Variants in ABCA5 observed in about 807,000 individuals in gnomAD.
ABCA5 encodes the protein cholesterol transporter ABCA5.
A neutral mutation model predicts 206.0 loss-of-function variants in ABCA5; 163 were observed. The observed-to-expected ratio is 0.79, with a 90% CI of 0.70 to 0.90. The LOEUF (loss-of-function observed/expected upper bound fraction) is 0.90. Ranked by LOEUF, ABCA5 falls within the 40% of genes least tolerant of loss-of-function variation. The pLI, the probability that ABCA5 is intolerant of heterozygous loss-of-function variation, is 0.00. For synonymous variants in ABCA5, 609 were observed against 613.8 expected, an observed-to-expected ratio of 0.99 and a Z score of 0.11; for missense variants, 1,859 against 1,912.9, an observed-to-expected ratio of 0.97 and a Z score of 0.53.
In ABCA5 at chr17:69,300,613, A is replaced by G. The variant is rs534013918; in HGVS notation, c.1267+526T>C. On this transcript the variant is annotated intron_variant, in intron 9 of 38. Coordinates refer to ENST00000392676, the MANE Select transcript of ABCA5 (RefSeq NM_172232.4). The stretch of plus-strand genomic sequence containing the variant: ...ATAAATTGTTAATTGATTTAATTGT[A>G]ATCAATTTAAATTTTAAAAGCCACA... Among the ~76,000 whole-genome samples the G allele has an allele frequency of 2.0e-5, 3 of 152,358 alleles. No homozygotes were observed. In the East Asian group the frequency reaches 5.8e-4, roughly 29 times the overall value.
intron 18 of ABCA5, among the ~76,000 whole-genome samples, chr17:69,282,640 G>C (rs1345822949): frequency 2.4e-5 from 3 of 122,502 alleles, no homozygotes; most frequent in African/African-American, 8.8e-5. Flanking sequence ...GTGGTGGTGG[G>C]CGCCTGTAAT....
At position 69,253,607 on chromosome 17, in the gene ABCA5, T is replaced by C. The variant is rs746512679; in HGVS notation, c.4381A>G (p.Thr1461Ala). 5.0e-6 allele frequency: 8 copies of C among 1,613,748 alleles called. No homozygotes were observed. The highest frequency in any genetic ancestry group is 2.2e-5 in the South Asian group (2 of 91,086). ...TGTTTGGCTTTGGGATCCATACCTG[T>C]AGATGGTTCATCTAGCAAAGTAATC... ...PQITLLDEPS[T>A]GMDPKAKQHM... The change falls in exon 34 of 39, where the codon ACA becomes GCA. Residue 1461 changes from threonine (T) to alanine (A), a missense_variant. Thr to Ala is a moderately conservative substitution (Grantham distance 58). Transcript: ENST00000392676.
At chr17:69,314,505 A>C in intron 1 of ABCA5, 75 bp from the exon 2 acceptor site, 2 of 872,712 alleles carry the variant, frequency 2.3e-6, no homozygotes, top group South Asian at 3.0e-5. Context: ...ACGGCAAAAT[A>C]AGCAGCTGTT....
chr17:69,259,736 C>T lies in ABCA5; in HGVS notation c.3701G>A (p.Gly1234Asp), dbSNP rs1252256685. The change falls in exon 28 of 39, where the codon GGC (glycine) becomes GAC (aspartate). Residue 1234 changes from glycine (G) to aspartate (D), a missense_variant. Coordinates refer to ENST00000392676, the MANE Select transcript of ABCA5 (RefSeq NM_172232.4). ...AAAGGGATCTTTTCTTATTGATCTG[C>T]CTCCATATTTTTTCTCATAGTATTG... is the stretch of plus-strand genomic sequence containing the variant. ...LLQYYEKKYG[G>D]RSIRKDPFFR... The T allele has an allele frequency of 2.5e-6, 4 of 1,608,180 alleles. No homozygotes were observed. The highest frequency in any genetic ancestry group is 3.4e-6 in the Non-Finnish European group (4 of 1,176,280).
At chr17:69,311,062 T>C (rs1371865205) in intron 3 of ABCA5, among the ~76,000 whole-genome samples, 2 of 152,058 alleles carry the variant, frequency 1.3e-5, no homozygotes, top group East Asian at 1.9e-4. Context: ...GGTGTGGTGG[T>C]GTGCACCTGT....
At chr17:69,320,626 C>A (rs1295177856) in intron 1 of ABCA5, among the ~76,000 whole-genome samples, 1 of 152,094 alleles carries the variant, frequency 6.6e-6, no homozygotes, top group Non-Finnish European at 1.5e-5. Context: ...ATGAAACATT[C>A]TTAACATTAA....
chr17:69,323,780 T>C (rs1174064421), intron 1 of ABCA5, among the ~76,000 whole-genome samples: 1 of 152,180 alleles, frequency 6.6e-6, no homozygotes. Flanking sequence ...TCCTTAAAGA[T>C]CAAGGATGTG....
intron 8 of ABCA5, 72 bp downstream of exon 8, chr17:69,302,646 C>A (rs2075663759): frequency 9.1e-7 from 1 of 1,093,304 alleles, no homozygotes; most frequent in African/African-American, 1.6e-5. Context: ...AGGTAGTATT[C>A]ATGGTAGTAT....
In ABCA5 at chr17:69,249,940, TG is replaced by T. The variant is rs1438189858; in HGVS notation, c.4729del (p.Gln1577SerfsTer34). On this transcript the variant is annotated frameshift_variant, in exon 37 of 39. Transcript: ENST00000392676. LOFTEE classifies it high-confidence loss of function. ...LAYKIPKEDV[Q>X]SLSQSFFKLE... Reference sequence around the variant, plus strand: ...CTTAAAAAAAGATTGTGAAAGGGACTGAACATCTTCCTTAGGAATTTTATAA... The same window carrying T: ...CTTAAAAAAAGATTGTGAAAGGGACTAACATCTTCCTTAGGAATTTTATAA... The T allele has an allele frequency of 6.5e-7, 1 of 1,531,332 alleles. No homozygotes were observed. Among genetic ancestry groups the T allele is most frequent in the African/African-American group, 1.4e-5 (1 of 71,596 alleles). The allele number at this position is 1,531,332 out of a possible 1,614,324, so 94.9% of individuals were successfully genotyped here.
In ABCA5 at chr17:69,251,435, G is replaced by A. The variant is rs577858297; in HGVS notation, c.4535+312C>T. Reference sequence around the variant, plus strand: ...ACTCAATTATTTATTTATGTAAGTAGAAACTCATATGTTTATTTCATATTT... The same window carrying A: ...ACTCAATTATTTATTTATGTAAGTAAAAACTCATATGTTTATTTCATATTT... On this transcript the variant is annotated intron_variant, in intron 35 of 38. Transcript: ENST00000392676. The A allele has an allele frequency of 2.9e-5, 7 of 239,928 alleles. No individual in the cohort carries two copies. In the South Asian group the frequency reaches 7.6e-4, roughly 26 times the overall value. 14.9% of individuals were successfully genotyped at this position (239,928 alleles called of 1,614,324 possible). A position where few individuals can be genotyped will look rare whatever the true frequency, so the allele number is the denominator to read the frequency against.
rs931600652 is a variant in ABCA5 at position 69,246,118 on chromosome 17, T to C, written c.*1419A>G. The C allele has an allele frequency of 1.3e-5, 2 of 151,958 alleles. No individual in the cohort carries two copies. Among genetic ancestry groups the C allele is most frequent in the South Asian group, 4.1e-4 (2 of 4,826 alleles). The allele number at this position is 151,958 out of a possible 1,614,324, so 9.4% of individuals were successfully genotyped here. A position where few individuals can be genotyped will look rare whatever the true frequency, so the allele number is the denominator to read the frequency against. On this transcript the variant is annotated 3_prime_UTR_variant, in exon 39 of 39. Coordinates refer to ENST00000392676, the MANE Select transcript of ABCA5 (RefSeq NM_172232.4). ...TACTTTGTACCGAGAAAGAACACTT[T>C]TAAATCCACTGCTAGAGCCTAAAAT...
In ABCA5 at chr17:69,273,860, C is replaced by T. The variant is rs1190117374; in HGVS notation, c.2764+99G>A. On this transcript the variant is annotated intron_variant, in intron 20 of 38. Coordinates refer to ENST00000392676, the MANE Select transcript of ABCA5 (RefSeq NM_172232.4). ...TTAGATTTCATGCAGACAGACCATG[C>T]CTTTACCTTAAATATAGTTTTAAAA... 1.3e-5 allele frequency: 15 copies of T among 1,141,890 alleles called. 1 individual carries two copies. The highest frequency in any genetic ancestry group is 1.0e-4 in the East Asian group (4 of 40,034). 70.7% of individuals were successfully genotyped at this position (1,141,890 alleles called of 1,614,324 possible). A position where few individuals can be genotyped will look rare whatever the true frequency, so the allele number is the denominator to read the frequency against.
At chr17:69,325,613 T>C (rs2075892337) in intron 1 of ABCA5, 1 of 152,192 alleles carries the variant, frequency 6.6e-6, no homozygotes, top group African/African-American at 2.4e-5. Flanking sequence ...GCACATAGTA[T>C]GGTATCTGGA....
chr17:69,297,475 T>G (rs1007055357), intron 9 of ABCA5, 116 bp from the exon 10 acceptor site: 1 of 842,658 alleles, frequency 1.2e-6, no homozygotes, highest in Non-Finnish European at 1.8e-6. Context: ...CCGCAACATA[T>G]ATATATTTCC....
At chr17:69,292,353 G>A (rs1405351886) in intron 11 of ABCA5, among the ~76,000 whole-genome samples, 1 of 152,032 alleles carries the variant, frequency 6.6e-6, no homozygotes, top group Non-Finnish European at 1.5e-5. Context: ...TTATTTACCT[G>A]TAAGCATATT....
At chr17:69,294,585 C>T (rs1204729095) in intron 11 of ABCA5, 70 bp downstream of exon 11, 3 of 1,280,812 alleles carry the variant, frequency 2.3e-6, no homozygotes, top group Non-Finnish European at 3.3e-6. Context: ...AAATTTCCCA[C>T]AAGCTATGCA....
At chr17:69,304,506 G>A in intron 7 of ABCA5, 163 bp downstream of exon 7, 2 of 572,354 alleles carry the variant, frequency 3.5e-6, no homozygotes, top group Non-Finnish European at 5.8e-6. Flanking sequence ...TAAAAATACA[G>A]GAATACAGTG....
rs2075749364 is a variant in ABCA5 at position 69,309,431 on chromosome 17, A to G, written c.308-8T>C. ...ATTCTTCAGTAATTATGACTGTAAG[A>G]TATCATAACAATATAGTTAGCTCAC... On this transcript the variant is annotated splice_polypyrimidine_tract_variant and splice_region_variant and intron_variant, in intron 3 of 38. Coordinates refer to ENST00000392676, the MANE Select transcript of ABCA5 (RefSeq NM_172232.4). 2.6e-6 allele frequency: 4 copies of G among 1,518,278 alleles called. No homozygotes were observed. The highest frequency in any genetic ancestry group is 2.3e-5 in the East Asian group (1 of 42,724). 94.1% of individuals were successfully genotyped at this position (1,518,278 alleles called of 1,614,324 possible).
At chr17:69,303,323 G>A (rs1383173211) in intron 7 of ABCA5, among the ~76,000 whole-genome samples, 1 of 151,904 alleles carries the variant, frequency 6.6e-6, no homozygotes, top group African/African-American at 2.4e-5. Context: ...TCACCATGTT[G>A]CCCAGGCTGG....
Sources: allele counts gnomAD v4.1 joint callset (sites outside exome capture counted in the v4.1 genomes callset), GRCh38; gene constraint gnomAD v4.1.1; transcripts MANE v1.5; gene names NCBI Gene and HGNC (gene_info 2026-07-23, HGNC 2026-07-21).